Variants in LOXHD1 observed in about 807,000 individuals in gnomAD.
LOXHD1 encodes the protein lipoxygenase homology PLAT domains 1.
LOXHD1 carries 205 observed loss-of-function variants against 248.2 expected under a neutral mutation model. The observed-to-expected ratio is 0.83, with a 90% CI of 0.74 to 0.93. The LOEUF (loss-of-function observed/expected upper bound fraction) is 0.93. Among genes scored for constraint, LOXHD1 ranks in the 40% least tolerant of loss-of-function variants. The pLI is 0.00. For missense variants in LOXHD1, 2,930 were observed against 2,971.6 expected (o/e 0.99, Z 0.33); for synonymous variants, 1,113 against 1,162.8 (o/e 0.96, Z 0.87).
chr18:46,536,780 G>C (rs530261767), intron 26 of LOXHD1, among the ~76,000 whole-genome samples: 77 of 152,180 alleles, frequency 5.1e-4, no homozygotes, highest in Admixed American at 1.3e-3. Flanking sequence ...AGAGAAGGTG[G>C]GAAGAGAGCA....
intron 2 of LOXHD1, among the ~76,000 whole-genome samples, chr18:46,647,262 G>A (rs1158061819): frequency 3.9e-5 from 6 of 152,166 alleles, no homozygotes; most frequent in African/African-American, 1.4e-4. Flanking sequence ...GACCCCATGA[G>A]AGGGAAGGCT....
chr18:46,546,933 TC>T lies in LOXHD1; in HGVS notation c.3475del (p.Asp1159ThrfsTer21), dbSNP rs1220271750. Reference protein sequence around the residue: ...PQSEEGRGGGDNNPLDNLALE... With the variant: ...PQSEEGRGGGXNNPLDNLALE... The stretch of plus-strand genomic sequence containing the variant: ...GGCCAGGTTGTCGAGGGGGTTGTTG[TC>T]ACCGCCTCCCCTACCCTCCTCGCTC... On this transcript the variant is annotated frameshift_variant, in exon 22 of 41. Coordinates refer to ENST00000642948, the MANE Select transcript of LOXHD1 (RefSeq NM_001384474.1). LOFTEE classifies it high-confidence loss of function. 6.4e-7 allele frequency: 1 copy of T among 1,551,520 alleles called. No individual in the cohort carries two copies. Among genetic ancestry groups the T allele is most frequent in the African/African-American group, 1.4e-5 (1 of 73,156 alleles).
chr18:46,506,493 A>C (rs887583865), intron 36 of LOXHD1, among the ~76,000 whole-genome samples: 4 of 152,232 alleles, frequency 2.6e-5, no homozygotes, highest in Non-Finnish European at 2.9e-5. Flanking sequence ...GTATTGGCCC[A>C]AGTCAAAAGC....
chr18:46,644,932 T>C (rs908882924), intron 2 of LOXHD1, among the ~76,000 whole-genome samples: 41 of 151,760 alleles, frequency 2.7e-4, no homozygotes, highest in African/African-American at 9.2e-4. Context: ...GCAGAGGGAG[T>C]GCTCCACGCT....
At chr18:46,560,644 G>A (rs2037506670) in intron 18 of LOXHD1, 99 bp from the exon 19 acceptor site, 1 of 1,150,846 alleles carries the variant, frequency 8.7e-7, no homozygotes, top group African/African-American at 1.5e-5. Context: ...AGGCCTGTTT[G>A]CTAAGCTGCA....
intron 21 of LOXHD1, among the ~76,000 whole-genome samples, chr18:46,547,693 G>A (rs894926988): frequency 6.6e-6 from 1 of 152,146 alleles, no homozygotes; most frequent in Non-Finnish European, 1.5e-5. Flanking sequence ...TCTCCCCTGG[G>A]TCAGACTGTC....
At chr18:46,501,299 G>A (rs900463746) in intron 37 of LOXHD1, among the ~76,000 whole-genome samples, 1 of 152,226 alleles carries the variant, frequency 6.6e-6, no homozygotes, top group Non-Finnish European at 1.5e-5. Context: ...AGGCAACACT[G>A]CCTTCTTGTT....
intron 1 of LOXHD1, among the ~76,000 whole-genome samples, chr18:46,653,017 C>T (rs982350814): frequency 2.6e-5 from 4 of 152,140 alleles, no homozygotes; most frequent in East Asian, 1.9e-4. Context: ...TTTGGGAGGC[C>T]GAGACAGGCA....
intron 4 of LOXHD1, among the ~76,000 whole-genome samples, chr18:46,635,355 C>G (rs894764496): frequency 3.9e-5 from 6 of 152,162 alleles, no homozygotes; most frequent in Non-Finnish European, 7.3e-5. Context: ...TCCCCACAAT[C>G]ACAGGCTCTG....
At chr18:46,577,107 C>T (rs570594260) in intron 14 of LOXHD1, among the ~76,000 whole-genome samples, 1 of 152,290 alleles carries the variant, frequency 6.6e-6, no homozygotes, top group African/African-American at 2.4e-5. Context: ...GTGAATCCTC[C>T]AGACATTGCC....
intron 37 of LOXHD1, among the ~76,000 whole-genome samples, chr18:46,503,325 C>G (rs2034352285): frequency 6.6e-6 from 1 of 152,102 alleles, no homozygotes; most frequent in African/African-American, 2.4e-5. Flanking sequence ...CAGACCTTGT[C>G]CTTACCTTCC....
At position 46,616,163 on chromosome 18, in the gene LOXHD1, T is replaced by C. The variant is rs545371968; in HGVS notation, c.610+2029A>G. Among the ~76,000 whole-genome samples the C allele has an allele frequency of 1.1e-3, 163 of 152,336 alleles. 2 individuals are homozygous for C. The Middle Eastern group carries it at 0.031, about 29-fold the overall frequency. On this transcript the variant is annotated intron_variant, in intron 5 of 40. Coordinates refer to ENST00000642948, the MANE Select transcript of LOXHD1 (RefSeq NM_001384474.1). ...ATGCTGACTCTGTTCTATTTATTAA[T>C]ACATTTGTTTTACTTTTGCTATTAG...
intron 12 of LOXHD1, among the ~76,000 whole-genome samples, chr18:46,583,559 CA>C (rs1473003899): frequency 6.6e-6 from 1 of 151,828 alleles, no homozygotes; most frequent in African/African-American, 2.4e-5. Flanking sequence ...AGAAGACATA[CA>C]AATGGTTTAA....
At chr18:46,502,878 T>C (rs1039893701) in intron 37 of LOXHD1, among the ~76,000 whole-genome samples, 2 of 152,194 alleles carry the variant, frequency 1.3e-5, no homozygotes, top group African/African-American at 2.4e-5. Context: ...TCTGGTCTCA[T>C]AGTGAGTCTT....
chr18:46,572,103 C>G lies in LOXHD1; in HGVS notation c.2030G>C (p.Ser677Thr), dbSNP rs200094006. 4.7e-5 allele frequency: 73 copies of G among 1,551,818 alleles called. No individual in the cohort carries two copies. The African/African-American group carries it at 8.7e-4, about 19-fold the overall frequency. ...CAACTCACTCTTCAGTGTCGCGCTGCTGTCACTGGGTAGCAACTCTCGGAC... is the reference window on the plus strand; with the variant it reads ...CAACTCACTCTTCAGTGTCGCGCTGGTGTCACTGGGTAGCAACTCTCGGAC... The part of the protein sequence containing the change: ...QLVRELLPSD[S>T]SATLKNFRYH... Residue 677 changes from serine (S) to threonine (T), a missense_variant, in exon 15 of 41, where the codon AGC (serine) becomes ACC (threonine). Physicochemically the swap from Ser to Thr is moderately conservative, Grantham distance 58 (BLOSUM62 1). Coordinates refer to ENST00000642948, the MANE Select transcript of LOXHD1 (RefSeq NM_001384474.1).
In LOXHD1 at chr18:46,648,733, A is replaced by G. The variant is rs528106118; in HGVS notation, c.245+422T>C. On this transcript the variant is annotated intron_variant, in intron 2 of 40. Coordinates refer to ENST00000642948, the MANE Select transcript of LOXHD1 (RefSeq NM_001384474.1). Reference sequence around the variant, plus strand: ...TGTGCAATGGCTGGCAGGCAGGTTTAACACAACACTGGTCCCTGGTGAGAC... The same window carrying G: ...TGTGCAATGGCTGGCAGGCAGGTTTGACACAACACTGGTCCCTGGTGAGAC... Among the ~76,000 whole-genome samples, 171 of 152,316 alleles carry G rather than the reference A, an allele frequency of 1.1e-3. 3 individuals carry two copies. The South Asian group carries it at 0.035, about 31-fold the overall frequency.
intron 8 of LOXHD1, among the ~76,000 whole-genome samples, chr18:46,599,745 C>A (rs328135): frequency 0.76 from 115,863 of 152,050 alleles, 45,299 homozygotes; most frequent in Non-Finnish European, 0.86. Flanking sequence ...CAATAGGAAA[C>A]TCAGTAAAAG....
At position 46,593,628 on chromosome 18, in the gene LOXHD1, A is replaced by T. The variant is rs1372301851; in HGVS notation, c.1403T>A (p.Phe468Tyr). The change falls in exon 10 of 41, where the codon TTC becomes TAC. Residue 468 changes from phenylalanine (F) to tyrosine (Y), a missense_variant. Transcript: ENST00000642948. ...AAACTTCTCGATTATGCCGGGTTTGAACCACTTGTTGTTGGGATTCAGGAG... is the reference window on the plus strand; with the variant it reads ...AAACTTCTCGATTATGCCGGGTTTGTACCACTTGTTGTTGGGATTCAGGAG... ...EILLNPNNKW[F>Y]KPGIIEKFRI... 1 of 1,552,184 alleles carries T rather than the reference A, an allele frequency of 6.4e-7. No homozygotes were observed. The highest frequency in any genetic ancestry group is 1.4e-5 in the African/African-American group (1 of 73,014).
At chr18:46,617,682 ATTC>A (rs2038608386) in intron 5 of LOXHD1, among the ~76,000 whole-genome samples, 1 of 152,162 alleles carries the variant, frequency 6.6e-6, no homozygotes, top group Non-Finnish European at 1.5e-5. Flanking sequence ...CACCTGTCTC[ATTC>A]TTCTGACCTG....
Sources: gnomAD v4.1 joint callset for allele counts (sites outside exome capture counted in the v4.1 genomes callset) on GRCh38, gnomAD v4.1.1 for gene constraint, MANE v1.5 for transcripts, NCBI Gene and HGNC (gene_info 2026-07-23, HGNC 2026-07-21) for gene names.